Variants in RNF216 observed in about 807,000 individuals in gnomAD.
RNF216 encodes ring finger protein 216.
RNF216 carries 72 observed loss-of-function variants against 110.8 expected under a neutral mutation model. The observed-to-expected ratio is 0.65, with a 90% CI of 0.54 to 0.79. The LOEUF is 0.79. Among genes scored for constraint, RNF216 ranks in the 30% least tolerant of loss-of-function variants. The probability of loss-of-function intolerance (pLI) is 0.00; values close to 1 mark genes in which losing one functional copy is unlikely to be tolerated. For synonymous variants in RNF216, 495 were observed against 407.5 expected, an observed-to-expected ratio of 1.21 and a Z score of -2.59; for missense variants, 1,342 against 1,141.2, an observed-to-expected ratio of 1.18 and a Z score of -2.54.
At chr7:5,685,897 C>T (rs550088293) in intron 13 of RNF216, among the ~76,000 whole-genome samples, 6 of 152,172 alleles carry the variant, frequency 3.9e-5, no homozygotes, top group Non-Finnish European at 8.8e-5. Context: ...CACTATAATG[C>T]ATTTCTATGT....
chr7:5,629,081 C>T (rs1786895332), intron 15 of RNF216, among the ~76,000 whole-genome samples: 1 of 151,604 alleles, frequency 6.6e-6, no homozygotes, highest in South Asian at 2.1e-4. Flanking sequence ...TGCCTGTAAT[C>T]CCAGCTACTC....
At chr7:5,716,428 CT>C (rs964557557) in intron 10 of RNF216, among the ~76,000 whole-genome samples, 1 of 152,140 alleles carries the variant, frequency 6.6e-6, no homozygotes, top group African/African-American at 2.4e-5. Context: ...CTCGTTAACT[CT>C]AAAGTGATAT....
At chr7:5,655,087 C>T (rs1177977895) in intron 13 of RNF216, among the ~76,000 whole-genome samples, 4 of 152,180 alleles carry the variant, frequency 2.6e-5, no homozygotes, top group South Asian at 2.1e-4. Flanking sequence ...CTGGCAATTC[C>T]GTTATTAATT....
intron 13 of RNF216, among the ~76,000 whole-genome samples, chr7:5,675,233 C>T (rs1483947430): frequency 3.9e-5 from 6 of 152,192 alleles, no homozygotes; most frequent in African/African-American, 9.7e-5. Context: ...TCACAGACAT[C>T]ACCTCATTCA....
At chr7:5,685,465 T>C (rs1266511654) in intron 13 of RNF216, among the ~76,000 whole-genome samples, 1 of 152,218 alleles carries the variant, frequency 6.6e-6, no homozygotes, top group Non-Finnish European at 1.5e-5. Flanking sequence ...ATTGTTCTGT[T>C]ACTTTCCAAG....
rs200643372 is a variant in RNF216, at chr7:5,738,087, C to CAAAAAAAAA, written c.1121+1180_1121+1188dup. On this transcript the variant is annotated intron_variant, in intron 5 of 16. Transcript: ENST00000389902. ...CTGGGCAACAGAATAAGACTGTCTC[C>CAAAAAAAAA]AAAAAAAAAAAAAAAAAAAAAAAAA... Among the ~76,000 whole-genome samples the CAAAAAAAAA allele has an allele frequency of 6.0e-4, 67 of 110,962 alleles. 1 individual carries two copies. Among genetic ancestry groups the CAAAAAAAAA allele is most frequent in the African/African-American group, 2.3e-3 (58 of 25,260 alleles). 72.8% of individuals were successfully genotyped at this position (110,962 alleles called of 152,430 possible).
chr7:5,764,608 A>G (rs890925679), intron 1 of RNF216, among the ~76,000 whole-genome samples: 1 of 151,838 alleles, frequency 6.6e-6, no homozygotes, highest in African/African-American at 2.4e-5. Context: ...AGATTGTGCC[A>G]CTACACTCCA....
Position 5,715,046 on chromosome 7 carries a change from T to G in RNF216, c.1833+7A>C. 1.2e-6 allele frequency: 2 copies of G among 1,611,250 alleles called. No homozygotes were observed. Among genetic ancestry groups the G allele is most frequent in the African/African-American group, 2.7e-5 (2 of 75,012 alleles). On this transcript the variant is annotated splice_region_variant and intron_variant, in intron 11 of 16. Coordinates refer to ENST00000389902, the MANE Select transcript of RNF216 (RefSeq NM_207111.4). ...TATATACATGGGACATATTACACAG[T>G]TCTTACCTTTCCAGATCCAAAGACT...
At chr7:5,768,649 G>C (rs1027982593) in intron 1 of RNF216, among the ~76,000 whole-genome samples, 1 of 147,574 alleles carries the variant, frequency 6.8e-6, no homozygotes, top group Admixed American at 7.1e-5. Flanking sequence ...TGAAATGTGA[G>C]AAATGAAGCA....
At chr7:5,746,356 A>G (rs559957063) in intron 3 of RNF216, among the ~76,000 whole-genome samples, 4 of 152,300 alleles carry the variant, frequency 2.6e-5, no homozygotes, top group African/African-American at 9.6e-5. Flanking sequence ...CCCTCTTTGC[A>G]GAGGTCTTTA....
At chr7:5,727,642 G>T (rs1199291240) in intron 7 of RNF216, among the ~76,000 whole-genome samples, 1 of 152,152 alleles carries the variant, frequency 6.6e-6, no homozygotes, top group African/African-American at 2.4e-5. Flanking sequence ...TGAGGCAGGA[G>T]GATGGCTTGA....
intron 8 of RNF216, 73 bp downstream of exon 8, chr7:5,725,251 T>C: frequency 1.1e-6 from 1 of 896,754 alleles, no homozygotes; most frequent in Non-Finnish European, 1.8e-6. Context: ...TAGCACGGCT[T>C]CCTTCACTGA....
At chr7:5,681,044 C>G (rs1562385124) in intron 13 of RNF216, among the ~76,000 whole-genome samples, 1 of 152,276 alleles carries the variant, frequency 6.6e-6, no homozygotes, top group East Asian at 1.9e-4. Context: ...CCGCAGATAC[C>G]CCAGACCCTT....
At chr7:5,701,305 A>G (rs1334001634) in intron 13 of RNF216, among the ~76,000 whole-genome samples, 4 of 152,188 alleles carry the variant, frequency 2.6e-5, no homozygotes, top group Non-Finnish European at 4.4e-5. Flanking sequence ...GTGAGTGATG[A>G]GTCATCTTCT....
chr7:5,725,289 CAG>C lies in RNF216; in HGVS notation c.1504+33_1504+34del, dbSNP rs1562432900. On this transcript the variant is annotated intron_variant, in intron 8 of 16. Coordinates refer to ENST00000389902, the MANE Select transcript of RNF216 (RefSeq NM_207111.4). ...GTGAAGAAGAAAAGGTACAGTGTTG[CAG>C]CTACACACTGCCACCAACACAGTTT... 7 of 1,204,474 alleles carry C rather than the reference CAG, an allele frequency of 5.8e-6. No homozygotes were observed. The South Asian group carries it at 8.6e-5, about 15-fold the overall frequency. 74.6% of individuals were successfully genotyped at this position (1,204,474 alleles called of 1,614,324 possible).
intron 1 of RNF216, among the ~76,000 whole-genome samples, chr7:5,763,639 C>T (rs1466335746): frequency 2.6e-5 from 4 of 152,076 alleles, no homozygotes; most frequent in Non-Finnish European, 5.9e-5. Context: ...TACACGATCA[C>T]GGCTCACTAC....
intron 12 of RNF216, among the ~76,000 whole-genome samples, chr7:5,712,094 T>C (rs1792738818): frequency 6.6e-6 from 1 of 152,204 alleles, no homozygotes; most frequent in South Asian, 2.1e-4. Flanking sequence ...TAATGAGAAC[T>C]CCTTGCATAT....
At chr7:5,762,810 G>C (rs1024144724) in intron 1 of RNF216, among the ~76,000 whole-genome samples, 2 of 152,178 alleles carry the variant, frequency 1.3e-5, no homozygotes, top group African/African-American at 4.8e-5. Context: ...ACTTGAACTT[G>C]AGTTACATAT....
At chr7:5,649,908 T>A (rs1205928247) in intron 14 of RNF216, 2 of 152,230 alleles carry the variant, frequency 1.3e-5, no homozygotes, top group Non-Finnish European at 2.9e-5. Flanking sequence ...TGTTCGATAA[T>A]CAGAGAACAC....
Sources: gnomAD v4.1 joint callset for allele counts (sites outside exome capture counted in the v4.1 genomes callset) on GRCh38, gnomAD v4.1.1 for gene constraint, MANE v1.5 for transcripts, NCBI Gene and HGNC (gene_info 2026-07-23, HGNC 2026-07-21) for gene names.